Variants in GAS7 observed in about 807,000 individuals in gnomAD.
The protein encoded by GAS7 is growth arrest-specific protein 7.
GAS7 carries 28 observed loss-of-function variants against 71.1 expected under a neutral mutation model. That is an observed-to-expected ratio of 0.39 (90% CI 0.29 to 0.54). The LOEUF is 0.54. GAS7 is among the 20% of genes least tolerant of loss of function. The pLI is 0.62. For synonymous variants in GAS7, 258 were observed against 245.8 expected (o/e 1.05, Z -0.46); for missense variants, 436 against 627.8 (o/e 0.69, Z 3.27).
chr17:9,920,516 G>C (rs2067767747), intron 11 of GAS7, among the ~76,000 whole-genome samples: 1 of 152,242 alleles, frequency 6.6e-6, no homozygotes, highest in Non-Finnish European at 1.5e-5. Context: ...AAGCGTACCA[G>C]CACCTTGGAA....
chr17:9,983,241 A>G (rs1489257081), intron 2 of GAS7, among the ~76,000 whole-genome samples: 3 of 152,204 alleles, frequency 2.0e-5, no homozygotes, highest in Non-Finnish European at 4.4e-5. Flanking sequence ...TCTTATCTCA[A>G]TACTTTTGGG....
Position 10,129,185 on chromosome 17 carries a change from CA to C in GAS7, c.183+69022del, listed in dbSNP as rs68071607. ...AGAATGAAGCTGGACTCCTTGCTCACACGGCATACAATTAACTCAAAATGGA... is the reference window on the plus strand; with the variant it reads ...AGAATGAAGCTGGACTCCTTGCTCACCGGCATACAATTAACTCAAAATGGA... On this transcript the variant is annotated intron_variant, in intron 1 of 13. Transcript: ENST00000432992. 8.0e-3 allele frequency among the ~76,000 whole-genome samples: 1,219 copies of C among 152,248 alleles called. 14 individuals carry two copies. Among genetic ancestry groups the C allele is most frequent in the African/African-American group, 0.028 (1,154 of 41,548 alleles).
intron 4 of GAS7, among the ~76,000 whole-genome samples, chr17:9,966,792 C>T (rs2152118576): frequency 6.6e-6 from 1 of 152,276 alleles, no homozygotes; most frequent in African/African-American, 2.4e-5. Context: ...CCAGCAGTTC[C>T]AAGCTGAGGT....
chr17:10,052,485 C>T (rs2073075975), intron 1 of GAS7, among the ~76,000 whole-genome samples: 1 of 152,192 alleles, frequency 6.6e-6, no homozygotes, highest in Admixed American at 6.5e-5. Context: ...AGAGCCGTGA[C>T]CAGCACCCTC....
intron 1 of GAS7, among the ~76,000 whole-genome samples, chr17:10,092,714 G>C (rs1419316421): frequency 1.3e-5 from 2 of 152,186 alleles, no homozygotes; most frequent in Non-Finnish European, 2.9e-5. Flanking sequence ...AAGGTGTCAG[G>C]AGGGCCACGC....
intron 11 of GAS7, among the ~76,000 whole-genome samples, chr17:9,922,866 A>G (rs780788926): frequency 6.6e-6 from 1 of 152,186 alleles, no homozygotes; most frequent in Non-Finnish European, 1.5e-5. Context: ...AGGAAAAATA[A>G]ATGTCTGGTG....
intron 2 of GAS7, among the ~76,000 whole-genome samples, chr17:10,016,751 A>T (rs901823677): frequency 3.6e-5 from 5 of 139,900 alleles, no homozygotes; most frequent in African/African-American, 7.8e-5. Flanking sequence ...TCTCTACAAA[A>T]AATAATAATA....
intron 1 of GAS7, among the ~76,000 whole-genome samples, chr17:10,117,374 C>T (rs1238980371): frequency 6.6e-6 from 1 of 152,130 alleles, no homozygotes. Flanking sequence ...TCCCATCTGC[C>T]ACAGAAGGTA....
chr17:9,983,412 G>C (rs2070511461), intron 2 of GAS7, among the ~76,000 whole-genome samples: 1 of 152,132 alleles, frequency 6.6e-6, no homozygotes, highest in Admixed American at 6.5e-5. Flanking sequence ...GATTACTGGA[G>C]CCTGGGAAGT....
intron 6 of GAS7, among the ~76,000 whole-genome samples, chr17:9,944,436 T>C (rs891437766): frequency 2.0e-5 from 3 of 152,288 alleles, no homozygotes; most frequent in African/African-American, 7.2e-5. Context: ...GGGTGTCCAA[T>C]CCTAGGTAGT....
At chr17:10,024,090 C>T (rs1159906948) in intron 1 of GAS7, among the ~76,000 whole-genome samples, 1 of 152,142 alleles carries the variant, frequency 6.6e-6, no homozygotes, top group African/African-American at 2.4e-5. Context: ...CGCCATTGTA[C>T]TCCAGCCTGG....
At chr17:10,087,388 G>C (rs1290377731) in intron 1 of GAS7, among the ~76,000 whole-genome samples, 1 of 152,234 alleles carries the variant, frequency 6.6e-6, no homozygotes, top group African/African-American at 2.4e-5. Context: ...GTGGGAGTAT[G>C]GCATGTGTGT....
chr17:10,142,453 C>G (rs1405573572), intron 1 of GAS7, among the ~76,000 whole-genome samples: 1 of 152,174 alleles, frequency 6.6e-6, no homozygotes. Flanking sequence ...ACTGTAACCT[C>G]TGCCTCCCAG....
intron 2 of GAS7, among the ~76,000 whole-genome samples, chr17:9,995,014 C>A (rs1468660857): frequency 6.6e-6 from 1 of 152,198 alleles, no homozygotes; most frequent in Non-Finnish European, 1.5e-5. Context: ...GTCCAGGTGG[C>A]CTAACAGTCC....
intron 1 of GAS7, among the ~76,000 whole-genome samples, chr17:10,036,990 C>G (rs2072765295): frequency 6.6e-6 from 1 of 152,182 alleles, no homozygotes; most frequent in Non-Finnish European, 1.5e-5. Context: ...CAGCTCTGGT[C>G]CTGGCCCCGG....
rs894911380 is a variant in GAS7 at position 10,047,439 on chromosome 17, T to C, written c.184-27542A>G. Among the ~76,000 whole-genome samples the C allele has an allele frequency of 6.6e-5, 10 of 152,296 alleles. No individual in the cohort carries two copies. The East Asian group carries it at 1.9e-3, about 29-fold the overall frequency. The stretch of plus-strand genomic sequence containing the variant: ...TCAACCTTCCCCCAAGCCGACAGTG[T>C]GCCAAGGCTAGTGACAGTCGATACT... On this transcript the variant is annotated intron_variant, in intron 1 of 13. Coordinates refer to ENST00000432992, the MANE Select transcript of GAS7 (RefSeq NM_201433.2).
intron 3 of GAS7, among the ~76,000 whole-genome samples, chr17:9,977,379 C>T (rs2070246647): frequency 6.6e-6 from 1 of 152,170 alleles, no homozygotes; most frequent in South Asian, 2.1e-4. Flanking sequence ...CCCAATGACT[C>T]ATACATGAAA....
Position 9,945,694 on chromosome 17 carries a change from G to A in GAS7, c.615+1200C>T, listed in dbSNP as rs138237934. On this transcript the variant is annotated intron_variant, in intron 6 of 13. Transcript: ENST00000432992. Reference sequence around the variant, plus strand: ...TAAAAAAGTGTAGATAATCCGGCTGGGCACGATGGCTCATGCCTGTAATCC... The same window carrying A: ...TAAAAAAGTGTAGATAATCCGGCTGAGCACGATGGCTCATGCCTGTAATCC... Among the ~76,000 whole-genome samples, 570 of 151,974 alleles carry A rather than the reference G, an allele frequency of 3.8e-3. 5 individuals are homozygous for A. The highest frequency in any genetic ancestry group is 0.013 in the African/African-American group (552 of 41,426).
chr17:10,106,473 T>TGAA (rs1321288097), intron 1 of GAS7, among the ~76,000 whole-genome samples: 1 of 152,234 alleles, frequency 6.6e-6, no homozygotes, highest in Non-Finnish European at 1.5e-5. Flanking sequence ...GGAGAGCTAA[T>TGAA]GAAGAACACA....
Sources: allele counts gnomAD v4.1 joint callset (sites outside exome capture counted in the v4.1 genomes callset), GRCh38; gene constraint gnomAD v4.1.1; transcripts MANE v1.5; gene names NCBI Gene and HGNC (gene_info 2026-07-23, HGNC 2026-07-21).